Variants in UBR4 observed in about 807,000 individuals in gnomAD.
UBR4 encodes the protein E3 ubiquitin-protein ligase UBR4.
In UBR4, 124 loss-of-function variants were observed where a neutral mutation model predicts 575.6. That is an observed-to-expected ratio of 0.22 (90% CI 0.19 to 0.25). The LOEUF (loss-of-function observed/expected upper bound fraction) is 0.25. Among genes scored for constraint, UBR4 ranks in the 10% least tolerant of loss-of-function variants. UBR4 has a pLI of 1.00. For missense variants in UBR4, 4,818 were observed against 6,478.8 expected (o/e 0.74, Z 8.80); for synonymous variants, 2,455 against 2,473.7 (o/e 0.99, Z 0.22).
intron 48 of UBR4, chr1:19,151,003 C>A (rs747404474): frequency 5.0e-6 from 3 of 596,106 alleles, no homozygotes; most frequent in South Asian, 4.1e-5. Context: ...AAGCCGATTA[C>A]GTCTCCTACT....
At chr1:19,077,059 C>T (rs1328122902) in intron 104 of UBR4, among the ~76,000 whole-genome samples, 157 bp from the exon 105 acceptor site, 1 of 152,166 alleles carries the variant, frequency 6.6e-6, no homozygotes, top group Non-Finnish European at 1.5e-5. Flanking sequence ...GTTTTGTCTC[C>T]AGGAACGACA....
At chr1:19,175,190 C>G (rs1339105035) in intron 20 of UBR4, among the ~76,000 whole-genome samples, 157 bp from the exon 21 acceptor site, 3 of 152,146 alleles carry the variant, frequency 2.0e-5, no homozygotes, top group Non-Finnish European at 4.4e-5. Flanking sequence ...GGGAGGCCAT[C>G]TTATGCACTC....
Position 19,157,434 on chromosome 1 carries a change from A to G in UBR4, c.5760+381T>C, listed in dbSNP as rs939395332. Reference sequence around the variant, plus strand: ...AGCTGGGATGGCACGGCAGCACTACATAAGCAACACTGAGTGTTCCTATGA... The same window carrying G: ...AGCTGGGATGGCACGGCAGCACTACGTAAGCAACACTGAGTGTTCCTATGA... On this transcript the variant is annotated intron_variant, in intron 40 of 105. Transcript: ENST00000375254. The surrounding 1 kb of genome is among the most constrained non-coding windows in gnomAD (Gnocchi z 4.4). 3.9e-5 allele frequency among the ~76,000 whole-genome samples: 6 copies of G among 152,250 alleles called. No individual in the cohort carries two copies. The highest frequency in any genetic ancestry group is 1.4e-4 in the African/African-American group (6 of 41,462).
In UBR4 at chr1:19,129,035, C is replaced by A; in HGVS notation, c.8946G>T (p.Leu2982=). 1 of 1,614,022 alleles carries A rather than the reference C, an allele frequency of 6.2e-7. No individual in the cohort carries two copies. The highest frequency in any genetic ancestry group is 8.5e-7 in the Non-Finnish European group (1 of 1,179,996). Residue 2982 remains leucine (L), a synonymous_variant, in exon 61 of 106, where the codon CTG becomes CTT. Coordinates refer to ENST00000375254, the MANE Select transcript of UBR4 (RefSeq NM_020765.3). The part of the protein sequence containing the change: ...MVRLMLLERL[L]QTLPQLRNVG... ...CGTTTCGTAATTGAGGCAGGGTCTG[C>A]AGTAATCTCTCCAACAGCATTAGAC...
chr1:19,100,193 T>G lies in UBR4; in HGVS notation c.13221+183A>C. On this transcript the variant is annotated intron_variant, in intron 89 of 105. Coordinates refer to ENST00000375254, the MANE Select transcript of UBR4 (RefSeq NM_020765.3). The surrounding 1 kb of genome is among the most constrained non-coding windows in gnomAD (Gnocchi z 4.2). ...GCACTGGGCAGAGCCCTTTACAGGT[T>G]ATTAACCTTAGCACTAGGTGAGGTA... The G allele has an allele frequency of 1.6e-6, 1 of 638,708 alleles. No homozygotes were observed. The highest frequency in any genetic ancestry group is 2.7e-6 in the Non-Finnish European group (1 of 367,570). The allele number at this position is 638,708 out of a possible 1,614,324, so 39.6% of individuals were successfully genotyped here.
chr1:19,183,467 A>T (rs2091214180), intron 17 of UBR4, among the ~76,000 whole-genome samples: 1 of 152,206 alleles, frequency 6.6e-6, no homozygotes, highest in Non-Finnish European at 1.5e-5. Context: ...CACGCCTATA[A>T]TCCCAGCACT....
In UBR4 at chr1:19,117,499, A is replaced by G; in HGVS notation, c.10630-85T>C. On this transcript the variant is annotated intron_variant, in intron 72 of 105. Transcript: ENST00000375254. This position sits in a 1 kb window ranked among gnomAD's most constrained non-coding sequence, Gnocchi z 4.0. ...AATTCATCAGTGTAACCCACTCTTC[A>G]TCCACAAGATGAAGTTTCTATTTAA... 7.3e-7 allele frequency: 1 copy of G among 1,375,148 alleles called. No individual in the cohort carries two copies. The allele number at this position is 1,375,148 out of a possible 1,614,324, so 85.2% of individuals were successfully genotyped here. A position where few individuals can be genotyped will look rare whatever the true frequency, so the allele number is the denominator to read the frequency against.
chr1:19,153,671 C>A lies in UBR4; in HGVS notation c.6630+97G>T, dbSNP rs1017293843. 2.0e-6 allele frequency: 3 copies of A among 1,507,146 alleles called. No homozygotes were observed. The highest frequency in any genetic ancestry group is 2.7e-6 in the Non-Finnish European group (3 of 1,116,814). The allele number at this position is 1,507,146 out of a possible 1,614,324, so 93.4% of individuals were successfully genotyped here. ...AAAAGGACTGAAAATCTTTTATGGG[C>A]CTCCATTGAAAGAGCTGGGAAAGTG... is the stretch of plus-strand genomic sequence containing the variant. On this transcript the variant is annotated intron_variant, in intron 45 of 105. Transcript: ENST00000375254. The surrounding 1 kb of genome is among the most constrained non-coding windows in gnomAD (Gnocchi z 4.1).
intron 43 of UBR4, 86 bp downstream of exon 43, chr1:19,155,355 G>T: frequency 7.3e-7 from 1 of 1,368,180 alleles, no homozygotes; most frequent in Non-Finnish European, 1.0e-6. Context: ...ACAGAAAAAT[G>T]TTATAAAAGA....
At chr1:19,126,302 C>T (rs572102142) in intron 64 of UBR4, 144 bp downstream of exon 64, 28 of 905,856 alleles carry the variant, frequency 3.1e-5, no homozygotes, top group Middle Eastern at 3.1e-4. Context: ...TATTCAATCA[C>T]GCCGAGATTA....
chr1:19,163,696 C>T (rs2150607867), intron 34 of UBR4, 68 bp downstream of exon 34: 1 of 1,539,172 alleles, frequency 6.5e-7, no homozygotes, highest in Non-Finnish European at 9.0e-7. Flanking sequence ...CGAGAGACTT[C>T]CACCTGACCA....
At chr1:19,197,413 G>A in intron 7 of UBR4, 148 bp from the exon 8 acceptor site, 1 of 1,236,692 alleles carries the variant, frequency 8.1e-7, no homozygotes, top group Non-Finnish European at 1.1e-6. Flanking sequence ...AGGATTGCTT[G>A]AGCCCAGGAG....
chr1:19,148,495 C>T (rs921882925), intron 50 of UBR4, 68 bp downstream of exon 50: 1 of 1,586,640 alleles, frequency 6.3e-7, no homozygotes, highest in African/African-American at 1.3e-5. Context: ...GGCCTCAGGG[C>T]CTCGGGCAAC....
chr1:19,106,998 G>A (rs372993516), intron 81 of UBR4, 32 bp from the exon 82 acceptor site: 27 of 1,608,656 alleles, frequency 1.7e-5, no homozygotes, highest in African/African-American at 8.0e-5. Flanking sequence ...AGGTGAGGGC[G>A]CTCAAGGGCA....
At position 19,209,987 on chromosome 1, in the gene UBR4, G is replaced by A. The variant is rs1484671638; in HGVS notation, c.176+86C>T. On this transcript the variant is annotated intron_variant, in intron 1 of 105. Coordinates refer to ENST00000375254, the MANE Select transcript of UBR4 (RefSeq NM_020765.3). ...GCGGGGATCCTCAAGGGGGCAGGGG[G>A]CGGCCCGGAAAGCGGGTCCAGACGA... 7 of 1,400,030 alleles carry A rather than the reference G, an allele frequency of 5.0e-6. No homozygotes were observed. The East Asian group carries it at 1.5e-4, about 31-fold the overall frequency. 86.7% of individuals were successfully genotyped at this position (1,400,030 alleles called of 1,614,324 possible).
chr1:19,203,972 A>G (rs892277071), intron 1 of UBR4, among the ~76,000 whole-genome samples: 2 of 151,990 alleles, frequency 1.3e-5, no homozygotes, highest in Non-Finnish European at 2.9e-5. Context: ...TCTACCTCAT[A>G]TACTTAGTTT....
Position 19,077,686 on chromosome 1 carries a change from T to C in UBR4, c.15324+290A>G, listed in dbSNP as rs1171037256. ...ATGCAGAGGTTGCAGTGAGCCGAGA[T>C]CACGCCATTGCACTCCAGCCTGGGC... On this transcript the variant is annotated intron_variant, in intron 104 of 105. Transcript: ENST00000375254. The C allele has an allele frequency of 6.0e-6, 7 of 1,175,374 alleles. No individual in the cohort carries two copies. In the African/African-American group the frequency reaches 1.1e-4, roughly 18 times the overall value. 72.8% of individuals were successfully genotyped at this position (1,175,374 alleles called of 1,614,324 possible). A position where few individuals can be genotyped will look rare whatever the true frequency, so the allele number is the denominator to read the frequency against.
chr1:19,198,162 A>G, intron 5 of UBR4, 113 bp from the exon 6 acceptor site: 1 of 1,034,392 alleles, frequency 9.7e-7, no homozygotes, highest in South Asian at 1.5e-5. Context: ...TAGTGAAGGG[A>G]AAATTCCTTA....
chr1:19,106,564 C>T lies in UBR4; in HGVS notation c.12393+5G>A. The T allele has an allele frequency of 1.3e-6, 2 of 1,554,476 alleles. No individual in the cohort carries two copies. Among genetic ancestry groups the T allele is most frequent in the Non-Finnish European group, 1.7e-6 (2 of 1,152,070 alleles). On this transcript the variant is annotated splice_donor_5th_base_variant and intron_variant, in intron 83 of 105. Coordinates refer to ENST00000375254, the MANE Select transcript of UBR4 (RefSeq NM_020765.3). Reference sequence around the variant, plus strand: ...GGGGTGAAGAGTCCAGAAGTGGCCACTCACTTGTCGCAGCCAGTTGTTATG... The same window carrying T: ...GGGGTGAAGAGTCCAGAAGTGGCCATTCACTTGTCGCAGCCAGTTGTTATG...
Sources: allele counts gnomAD v4.1 joint callset (sites outside exome capture counted in the v4.1 genomes callset), GRCh38; gene constraint gnomAD v4.1.1; non-coding constraint Gnocchi (gnomAD v3.1); transcripts MANE v1.5; gene names NCBI Gene and HGNC (gene_info 2026-07-23, HGNC 2026-07-21).